TATDN1: variants seen among roughly 807,000 people sequenced by gnomAD.
The protein encoded by TATDN1 is deoxyribonuclease TATDN1.
Under a neutral mutation model 46.4 loss-of-function variants are expected in TATDN1, and 40 were observed. The observed-to-expected ratio is 0.86, with a 90% CI of 0.67 to 1.12. The LOEUF (loss-of-function observed/expected upper bound fraction) is 1.12. Among genes scored for constraint, TATDN1 ranks in the 50% most tolerant of loss-of-function variants. TATDN1 has a pLI of 0.00. For synonymous variants in TATDN1, 95 were observed against 105.6 expected (o/e 0.90, Z 0.62); for missense variants, 326 against 348.4 (o/e 0.94, Z 0.51).
intron 8 of TATDN1, 109 bp from the exon 9 acceptor site, chr8:124,504,456 G>T: frequency 1.7e-6 from 1 of 596,110 alleles, no homozygotes; most frequent in South Asian, 5.0e-5. Flanking sequence ...TAAGTTTTTG[G>T]ACCTCAGGGT....
At chr8:124,514,802 G>C (rs753651502) in intron 6 of TATDN1, among the ~76,000 whole-genome samples, 1 of 152,316 alleles carries the variant, frequency 6.6e-6, no homozygotes, top group Admixed American at 6.5e-5. Flanking sequence ...CTGCAGGGTC[G>C]TGAGCTTTGG....
intron 4 of TATDN1, among the ~76,000 whole-genome samples, chr8:124,516,405 C>T (rs771221275): frequency 8.6e-5 from 13 of 151,782 alleles, no homozygotes; most frequent in African/African-American, 2.7e-4. Flanking sequence ...TGGGCTCAAG[C>T]GATCCTCCCA....
intron 1 of TATDN1, among the ~76,000 whole-genome samples, chr8:124,527,878 G>A (rs1479343349): frequency 6.6e-6 from 1 of 150,722 alleles, no homozygotes. Context: ...TCACTAACCC[G>A]TAAGGTATAA....
At chr8:124,525,798 T>C (rs1432794990) in intron 1 of TATDN1, among the ~76,000 whole-genome samples, 2 of 152,232 alleles carry the variant, frequency 1.3e-5, no homozygotes, top group Non-Finnish European at 2.9e-5. Flanking sequence ...TGAGTCAATA[T>C]GTTTTGAACA....
At chr8:124,503,004 T>A (rs894724749) in intron 9 of TATDN1, among the ~76,000 whole-genome samples, 2 of 152,188 alleles carry the variant, frequency 1.3e-5, no homozygotes, top group African/African-American at 4.8e-5. Flanking sequence ...AGTCCCTATC[T>A]TTAAAAAGAA....
chr8:124,494,255 TAAGTTA>T (rs1418988101), intron 10 of TATDN1: 5 of 192,152 alleles, frequency 2.6e-5, no homozygotes, highest in Non-Finnish European at 2.1e-5. Flanking sequence ...TGAAAACATT[TAAGTTA>T]AACAGTTTTT....
rs1820701031 is a variant in TATDN1, at chr8:124,528,535, T to C, written c.23-5533A>G. On this transcript the variant is annotated intron_variant, in intron 1 of 11. Coordinates refer to ENST00000276692, the MANE Select transcript of TATDN1 (RefSeq NM_032026.4). Reference sequence around the variant, plus strand: ...CAGGAGGTATGGGCCAAACAACTCCTTGTTTGGCTAGGAGAAAATCTACGG... The same window carrying C: ...CAGGAGGTATGGGCCAAACAACTCCCTGTTTGGCTAGGAGAAAATCTACGG... Among the ~76,000 whole-genome samples the C allele has an allele frequency of 2.0e-5, 3 of 152,146 alleles. No individual in the cohort carries two copies. The South Asian group carries it at 6.2e-4, about 32-fold the overall frequency.
chr8:124,517,259 C>A (rs961643815), intron 4 of TATDN1, among the ~76,000 whole-genome samples: 6 of 151,996 alleles, frequency 3.9e-5, no homozygotes, highest in African/African-American at 1.2e-4. Flanking sequence ...GAAACCCCGT[C>A]TCTACTAAAG....
intron 9 of TATDN1, chr8:124,504,037 AT>A: frequency 1.0e-6 from 1 of 954,306 alleles, no homozygotes; most frequent in Non-Finnish European, 1.5e-6. Context: ...TCAACACAAA[AT>A]TGTTTTCCAT....
chr8:124,516,265 T>G (rs957141486), intron 4 of TATDN1, among the ~76,000 whole-genome samples: 1 of 152,162 alleles, frequency 6.6e-6, no homozygotes, highest in African/African-American at 2.4e-5. Context: ...TTCAACTTTT[T>G]CTAAAGCTTG....
intron 11 of TATDN1, 128 bp downstream of exon 11, chr8:124,493,705 A>G: frequency 9.6e-7 from 1 of 1,037,882 alleles, no homozygotes; most frequent in Non-Finnish European, 1.4e-6. Flanking sequence ...CTGCATTAAT[A>G]TGGTGGTCTT....
intron 6 of TATDN1, among the ~76,000 whole-genome samples, chr8:124,512,456 T>TCATA (rs1262428243): frequency 6.6e-6 from 1 of 151,930 alleles, no homozygotes; most frequent in Non-Finnish European, 1.5e-5. Flanking sequence ...ACAAACACAA[T>TCATA]CATACACTGG....
At chr8:124,537,687 G>GCTCTTTATTCCATCTCC (rs1821580526) in intron 1 of TATDN1, among the ~76,000 whole-genome samples, 1 of 152,056 alleles carries the variant, frequency 6.6e-6, no homozygotes, top group African/African-American at 2.4e-5. Context: ...GTACTTCATG[G>GCTCTTTATTCCATCTCC]CTCTTTATTC....
chr8:124,523,745 A>G (rs955571967), intron 1 of TATDN1, among the ~76,000 whole-genome samples: 7 of 152,186 alleles, frequency 4.6e-5, no homozygotes, highest in African/African-American at 1.7e-4. Flanking sequence ...CATTTTATGT[A>G]AGGGTTTTGG....
At position 124,495,847 on chromosome 8, in the gene TATDN1, C is replaced by T. The variant is rs184711170; in HGVS notation, c.594-305G>A. ...AATTCATCTGCTTCTGAGTAATTTGCGTAACTTAGAGGTGCTTCTAAGGCT... is the reference window on the plus strand; with the variant it reads ...AATTCATCTGCTTCTGAGTAATTTGTGTAACTTAGAGGTGCTTCTAAGGCT... On this transcript the variant is annotated intron_variant, in intron 9 of 11. Coordinates refer to ENST00000276692, the MANE Select transcript of TATDN1 (RefSeq NM_032026.4). Among the ~76,000 whole-genome samples the T allele has an allele frequency of 9.9e-4, 151 of 152,300 alleles. 1 individual carries two copies. The highest frequency in any genetic ancestry group is 1.2e-3 in the Non-Finnish European group (83 of 68,030).
At chr8:124,534,019 G>C (rs1586688446) in intron 1 of TATDN1, among the ~76,000 whole-genome samples, 1 of 151,582 alleles carries the variant, frequency 6.6e-6, no homozygotes, top group Non-Finnish European at 1.5e-5. Context: ...GGTAGTGGGC[G>C]CCTGTAGTCC....
At chr8:124,504,108 CTGTT>C (rs1266068514) in intron 9 of TATDN1, 159 bp downstream of exon 9, 1 of 697,730 alleles carries the variant, frequency 1.4e-6, no homozygotes, top group East Asian at 2.9e-5. Context: ...TAGTAATGTA[CTGTT>C]TAATTTCTTA....
intron 8 of TATDN1, among the ~76,000 whole-genome samples, chr8:124,506,296 T>C (rs1410284952): frequency 2.4e-4 from 33 of 138,726 alleles, no homozygotes; most frequent in African/African-American, 8.4e-4. Flanking sequence ...GATCGTGCTA[T>C]TGCACTCCAG....
At chr8:124,538,840 C>T (rs879126412) in intron 1 of TATDN1, 185 bp downstream of exon 1, 5 of 661,000 alleles carry the variant, frequency 7.6e-6, no homozygotes, top group Admixed American at 5.2e-5. Context: ...CCTCGTGAAT[C>T]CAGAACCTAG....
Sources: allele counts gnomAD v4.1 joint callset (sites outside exome capture counted in the v4.1 genomes callset), GRCh38; gene constraint gnomAD v4.1.1; transcripts MANE v1.5; gene names NCBI Gene and HGNC (gene_info 2026-07-23, HGNC 2026-07-21).